EIF4G3: variants seen among roughly 807,000 people sequenced by gnomAD.
EIF4G3 encodes the protein eukaryotic translation initiation factor 4 gamma 3.
EIF4G3 carries 34 observed loss-of-function variants against 186.4 expected under a neutral mutation model. The observed-to-expected ratio is 0.18, with a 90% CI of 0.14 to 0.24. EIF4G3 has a LOEUF of 0.24. Ranked by LOEUF, EIF4G3 falls within the 10% of genes least tolerant of loss-of-function variation. The pLI, the probability that EIF4G3 is intolerant of heterozygous loss-of-function variation, is 1.00. For synonymous variants in EIF4G3, 673 were observed against 679.5 expected, an observed-to-expected ratio of 0.99 and a Z score of 0.15; for missense variants, 1,536 against 1,948.5, an observed-to-expected ratio of 0.79 and a Z score of 3.99.
In EIF4G3 at chr1:20,833,665, G is replaced by T. The variant is rs149857135; in HGVS notation, c.4062-4393C>A. Among the ~76,000 whole-genome samples, 121 of 152,234 alleles carry T rather than the reference G, an allele frequency of 7.9e-4. 2 individuals are homozygous for T. The East Asian group carries it at 0.02, about 25-fold the overall frequency. On this transcript the variant is annotated intron_variant, in intron 30 of 36. Transcript: ENST00000602326. Reference sequence around the variant, plus strand: ...TATGTTGAATAGGAAATCAATAAATGTAATCCAGCATATAAACAGAGCCAA... The same window carrying T: ...TATGTTGAATAGGAAATCAATAAATTTAATCCAGCATATAAACAGAGCCAA...
chr1:21,176,137 C>A (rs1346801781), intron 2 of EIF4G3, 38 bp downstream of exon 2: 2 of 356,492 alleles, frequency 5.6e-6, no homozygotes, highest in South Asian at 1.1e-4. Flanking sequence ...ACTGCGACGA[C>A]GAGAACCGAA....
chr1:20,817,533 C>T lies in EIF4G3; in HGVS notation c.4374G>A (p.Leu1458=). ...AGGGACTGTCAGACTCTATGAAGTCCAACTTCTGAAACATAAAAGGTGGAA... is the reference window on the plus strand; with the variant it reads ...AGGGACTGTCAGACTCTATGAAGTCTAACTTCTGAAACATAAAAGGTGGAA... The part of the protein sequence containing the change: ...DVHNFLLEQK[L]DFIESDSPCS... Residue 1458 remains leucine (L), a synonymous_variant, in exon 34 of 37, where the codon TTG becomes TTA. Coordinates refer to ENST00000602326, the MANE Select transcript of EIF4G3 (RefSeq NM_001391906.1). 1.3e-6 allele frequency: 2 copies of T among 1,578,530 alleles called. No homozygotes were observed. The highest frequency in any genetic ancestry group is 1.7e-6 in the Non-Finnish European group (2 of 1,160,756).
intron 14 of EIF4G3, among the ~76,000 whole-genome samples, chr1:20,934,463 T>C (rs571401444): frequency 4.9e-4 from 75 of 152,148 alleles, no homozygotes; most frequent in African/African-American, 1.8e-3. Context: ...GAGAGTCTGA[T>C]GAAGGTTTCA....
chr1:21,158,274 C>T (rs2097698547), intron 2 of EIF4G3, among the ~76,000 whole-genome samples: 1 of 148,716 alleles, frequency 6.7e-6, no homozygotes, highest in Admixed American at 6.8e-5. Context: ...CTCACGGACT[C>T]AAGCAATCCA....
chr1:21,035,148 C>A (rs572116336), intron 4 of EIF4G3, among the ~76,000 whole-genome samples: 10 of 152,320 alleles, frequency 6.6e-5, no homozygotes, highest in Admixed American at 6.5e-4. Context: ...GTAGGACCCA[C>A]TCCCAGGCCT....
chr1:20,826,726 G>A (rs565126102), intron 32 of EIF4G3, among the ~76,000 whole-genome samples: 1 of 152,024 alleles, frequency 6.6e-6, no homozygotes, highest in Admixed American at 6.6e-5. Flanking sequence ...TTAACCTCGT[G>A]ATCTGCCCAC....
At chr1:20,825,903 G>A (rs937092870) in intron 32 of EIF4G3, among the ~76,000 whole-genome samples, 3 of 152,206 alleles carry the variant, frequency 2.0e-5, no homozygotes, top group African/African-American at 7.2e-5. Context: ...AGAAAAAAGT[G>A]AAGAGGTACA....
intron 12 of EIF4G3, among the ~76,000 whole-genome samples, chr1:20,952,607 G>A (rs991552889): frequency 1.3e-5 from 2 of 152,162 alleles, no homozygotes; most frequent in Non-Finnish European, 2.9e-5. Context: ...CCAGCACTCT[G>A]GGAGGCCAAG....
chr1:20,817,588 T>A, intron 33 of EIF4G3, 50 bp from the exon 34 acceptor site: 3 of 1,255,902 alleles, frequency 2.4e-6, no homozygotes, highest in Non-Finnish European at 3.1e-6. Flanking sequence ...AATTCTATGT[T>A]ATTGTCATCC....
intron 2 of EIF4G3, among the ~76,000 whole-genome samples, chr1:21,098,127 A>G (rs533053524): frequency 3.0e-4 from 46 of 152,314 alleles, no homozygotes; most frequent in Middle Eastern, 3.4e-3. Flanking sequence ...GAACATCATC[A>G]AAACTACAAA....
At chr1:21,135,303 C>T (rs1365377381) in intron 2 of EIF4G3, among the ~76,000 whole-genome samples, 1 of 152,124 alleles carries the variant, frequency 6.6e-6, no homozygotes, top group African/African-American at 2.4e-5. Flanking sequence ...AATTCGAGAC[C>T]AGCCTGGCCA....
rs543476137 is a variant in EIF4G3 at position 21,026,207 on chromosome 1, T to C, written c.-66-23399A>G. ...GGTGTAAAAATAAACCAAAAGTAAT[T>C]AGAAATGGGAAAAAATGGCCCAGAA... On this transcript the variant is annotated intron_variant, in intron 4 of 36. Coordinates refer to ENST00000602326, the MANE Select transcript of EIF4G3 (RefSeq NM_001391906.1). Among the ~76,000 whole-genome samples, 189 of 152,060 alleles carry C rather than the reference T, an allele frequency of 1.2e-3. 1 individual carries two copies. Among genetic ancestry groups the C allele is most frequent in the African/African-American group, 4.3e-3 (179 of 41,484 alleles).
At chr1:20,880,584 G>A (rs1377812958) in intron 19 of EIF4G3, among the ~76,000 whole-genome samples, 1 of 151,948 alleles carries the variant, frequency 6.6e-6, no homozygotes, top group Non-Finnish European at 1.5e-5. Flanking sequence ...AACCCCATCT[G>A]TACTAAAAAT....
intron 14 of EIF4G3, among the ~76,000 whole-genome samples, chr1:20,911,519 C>A (rs1273669847): frequency 1.5e-5 from 2 of 135,378 alleles, no homozygotes; most frequent in African/African-American, 5.6e-5. Context: ...TATGACCGTG[C>A]CACTGTACTC....
At chr1:20,945,191 G>C (rs558215587) in intron 13 of EIF4G3, among the ~76,000 whole-genome samples, 1 of 151,372 alleles carries the variant, frequency 6.6e-6, no homozygotes, top group Admixed American at 6.6e-5. Flanking sequence ...ATTATAAAAA[G>C]TTTGGCCATC....
In EIF4G3 at chr1:20,864,973, A is replaced by G. The variant is rs1338042992; in HGVS notation, c.2769+143T>C. The G allele has an allele frequency of 7.4e-6, 7 of 948,490 alleles. No individual in the cohort carries two copies. In the East Asian group the frequency reaches 1.7e-4, roughly 23 times the overall value. 58.8% of individuals were successfully genotyped at this position (948,490 alleles called of 1,614,324 possible). On this transcript the variant is annotated intron_variant, in intron 21 of 36. Coordinates refer to ENST00000602326, the MANE Select transcript of EIF4G3 (RefSeq NM_001391906.1). ...AAAGGAACAAAGCATTCCCCTAAAC[A>G]TTAATATGTTGTTTCTACATGGAAA...
rs191778086 is a variant in EIF4G3, at chr1:21,078,617, A to G, written c.-196+10521T>C. Among the ~76,000 whole-genome samples the G allele has an allele frequency of 2.6e-5, 4 of 152,372 alleles. No homozygotes were observed. In the East Asian group the frequency reaches 5.8e-4, roughly 22 times the overall value. On this transcript the variant is annotated intron_variant, in intron 3 of 36. Coordinates refer to ENST00000602326, the MANE Select transcript of EIF4G3 (RefSeq NM_001391906.1). ...GAAGATTTCAAATGTTTCTAACACA[A>G]AAGATAAATATTTGAGGTGATAAAT...
At chr1:21,100,275 A>C (rs2096486832) in intron 2 of EIF4G3, among the ~76,000 whole-genome samples, 1 of 152,150 alleles carries the variant, frequency 6.6e-6, no homozygotes, top group Non-Finnish European at 1.5e-5. Context: ...AAACATTCTA[A>C]AACTGTGGTG....
At chr1:21,036,095 G>C (rs2093172638) in intron 4 of EIF4G3, among the ~76,000 whole-genome samples, 1 of 151,188 alleles carries the variant, frequency 6.6e-6, no homozygotes, top group Non-Finnish European at 1.5e-5. Flanking sequence ...CTCTGGCTGA[G>C]AGCAACAGAC....
Sources: gnomAD v4.1 joint callset for allele counts (sites outside exome capture counted in the v4.1 genomes callset) on GRCh38, gnomAD v4.1.1 for gene constraint, MANE v1.5 for transcripts, NCBI Gene and HGNC (gene_info 2026-07-23, HGNC 2026-07-21) for gene names.